CSMD1: variants seen among roughly 807,000 people sequenced by gnomAD.
CSMD1 encodes CUB and sushi domain-containing protein 1.
A neutral mutation model predicts 417.5 loss-of-function variants in CSMD1; 213 were observed. That is an observed-to-expected ratio of 0.51 (90% confidence interval 0.46 to 0.57). The LOEUF (loss-of-function observed/expected upper bound fraction) is 0.57, where lower values mean the gene tolerates loss of function less well. CSMD1 is among the 20% of genes least tolerant of loss of function. CSMD1 has a pLI of 0.00. For synonymous variants in CSMD1, 2,862 were observed against 1,736.8 expected, an observed-to-expected ratio of 1.65 and a Z score of -16.11; for missense variants, 6,923 against 4,529.7, an observed-to-expected ratio of 1.53 and a Z score of -15.17.
intron 54 of CSMD1, among the ~76,000 whole-genome samples, chr8:2,980,113 G>T (rs1255601820): frequency 6.6e-6 from 1 of 152,200 alleles, no homozygotes; most frequent in Non-Finnish European, 1.5e-5. Flanking sequence ...GAACACTAAA[G>T]ATATTTTTGT....
chr8:4,189,759 G>A (rs1181706361), intron 3 of CSMD1, among the ~76,000 whole-genome samples: 1 of 152,128 alleles, frequency 6.6e-6, no homozygotes, highest in Non-Finnish European at 1.5e-5. Context: ...GATAAATTAT[G>A]AAGATTAAAC....
At chr8:4,487,420 G>C (rs1016371067) in intron 2 of CSMD1, among the ~76,000 whole-genome samples, 2 of 151,992 alleles carry the variant, frequency 1.3e-5, no homozygotes, top group African/African-American at 2.4e-5. Context: ...GCAGTGTTTG[G>C]TTTTTCGTTC....
At chr8:4,214,095 C>T (rs1009406280) in intron 3 of CSMD1, among the ~76,000 whole-genome samples, 1 of 152,014 alleles carries the variant, frequency 6.6e-6, no homozygotes, top group Non-Finnish European at 1.5e-5. Context: ...GCATCTTACT[C>T]CCTCAATTTC....
chr8:3,706,070 C>T (rs919209758), intron 7 of CSMD1, among the ~76,000 whole-genome samples: 3 of 152,218 alleles, frequency 2.0e-5, no homozygotes, highest in East Asian at 3.9e-4. Flanking sequence ...ACGCATGACG[C>T]GCTGGAACGT....
chr8:3,520,039 T>TATATATATATATATATATATATATAC lies in CSMD1; in HGVS notation c.1345-26314_1345-26313insGTATATATATATATATATATATATAT, dbSNP rs545212684. Among the ~76,000 whole-genome samples the TATATATATATATATATATATATATAC allele has an allele frequency of 4.1e-4, 61 of 147,162 alleles. 1 individual carries two copies. Among genetic ancestry groups the TATATATATATATATATATATATATAC allele is most frequent in the African/African-American group, 1.4e-3 (56 of 38,720 alleles). ...ATATACCTATATATATATATATATA[T>TATATATATATATATATATATATATAC]ACACGTATAGTTGTGAAACTTGCTC... On this transcript the variant is annotated intron_variant, in intron 10 of 69. Transcript: ENST00000635120.
chr8:3,017,222 C>G (rs944129298), intron 52 of CSMD1, among the ~76,000 whole-genome samples: 1 of 152,208 alleles, frequency 6.6e-6, no homozygotes, highest in African/African-American at 2.4e-5. Context: ...CCCAGTGGAA[C>G]TGGGCTCCTT....
intron 5 of CSMD1, among the ~76,000 whole-genome samples, chr8:3,767,604 C>A (rs986022384): frequency 1.3e-5 from 2 of 152,190 alleles, no homozygotes; most frequent in African/African-American, 4.8e-5. Flanking sequence ...TATCTCTCAA[C>A]TATGTTTTAT....
In CSMD1 at chr8:4,548,691, A is replaced by G. The variant is rs142189212; in HGVS notation, c.302+88651T>C. 8.2e-3 allele frequency among the ~76,000 whole-genome samples: 1,246 copies of G among 152,246 alleles called. 22 individuals are homozygous for G. In the East Asian group the frequency reaches 0.083, roughly 10 times the overall value. On this transcript the variant is annotated intron_variant, in intron 2 of 69. Coordinates refer to ENST00000635120, the MANE Select transcript of CSMD1 (RefSeq NM_033225.6). ...TTTGATTTTCCATCTACCTGTCTAC[A>G]AAGCATTTCTCTTTTTTAACTGATC...
intron 2 of CSMD1, among the ~76,000 whole-genome samples, chr8:4,582,859 G>A (rs190384670): frequency 5.9e-5 from 9 of 152,222 alleles, no homozygotes; most frequent in African/African-American, 1.4e-4. Context: ...AGGGCTGTGC[G>A]AGGCACTTGC....
chr8:3,549,980 G>C (rs997750596), intron 10 of CSMD1, among the ~76,000 whole-genome samples: 22 of 152,164 alleles, frequency 1.4e-4, no homozygotes, highest in African/African-American at 4.3e-4. Context: ...GACATAAAGA[G>C]TTAATATATG....
At chr8:4,387,908 GA>G (rs1173216163) in intron 3 of CSMD1, among the ~76,000 whole-genome samples, 1 of 151,770 alleles carries the variant, frequency 6.6e-6, no homozygotes, top group Non-Finnish European at 1.5e-5. Context: ...ATTATATAAA[GA>G]AAAAAATATG....
chr8:4,369,907 G>A (rs137902909), intron 3 of CSMD1, among the ~76,000 whole-genome samples: 2 of 152,084 alleles, frequency 1.3e-5, no homozygotes, highest in Admixed American at 6.6e-5. Flanking sequence ...TGGGTAAAAT[G>A]TATTTTATGC....
At chr8:3,377,951 T>C (rs1035204652) in intron 18 of CSMD1, among the ~76,000 whole-genome samples, 15 of 152,302 alleles carry the variant, frequency 9.8e-5, no homozygotes, top group African/African-American at 3.4e-4. Context: ...ATTAAAAGAA[T>C]TGAGGTCAGA....
At chr8:4,556,735 G>A (rs1252464658) in intron 2 of CSMD1, among the ~76,000 whole-genome samples, 1 of 152,126 alleles carries the variant, frequency 6.6e-6, no homozygotes. Context: ...CACAAGATGA[G>A]CATCGCAAAG....
At chr8:3,981,131 G>A (rs996972652) in intron 5 of CSMD1, among the ~76,000 whole-genome samples, 6 of 152,172 alleles carry the variant, frequency 3.9e-5, no homozygotes, top group African/African-American at 1.2e-4. Context: ...GAGTCCTCCA[G>A]ATGGAAAACA....
chr8:4,669,626 T>A (rs922128289), intron 1 of CSMD1, among the ~76,000 whole-genome samples: 1 of 152,180 alleles, frequency 6.6e-6, no homozygotes, highest in Non-Finnish European at 1.5e-5. Context: ...TTTAGAAACT[T>A]TTTTTAACCT....
At chr8:4,084,978 A>G (rs1296463716) in intron 3 of CSMD1, among the ~76,000 whole-genome samples, 1 of 152,144 alleles carries the variant, frequency 6.6e-6, no homozygotes, top group Non-Finnish European at 1.5e-5. Flanking sequence ...TGGCCATATT[A>G]CCACAGCAGG....
At chr8:3,716,979 A>C (rs1801876931) in intron 6 of CSMD1, among the ~76,000 whole-genome samples, 1 of 152,218 alleles carries the variant, frequency 6.6e-6, no homozygotes, top group Non-Finnish European at 1.5e-5. Context: ...ATTTACAAAA[A>C]AATAAAAAAT....
At chr8:3,239,842 T>G (rs768430600) in intron 26 of CSMD1, among the ~76,000 whole-genome samples, 5 of 152,022 alleles carry the variant, frequency 3.3e-5, no homozygotes, top group Non-Finnish European at 5.9e-5. Flanking sequence ...CAGAGAGTTA[T>G]AGTCATAGGG....
Sources: allele counts gnomAD v4.1 joint callset (sites outside exome capture counted in the v4.1 genomes callset), GRCh38; gene constraint gnomAD v4.1.1; transcripts MANE v1.5; gene names NCBI Gene and HGNC (gene_info 2026-07-23, HGNC 2026-07-21).